TAFA1: variants seen among roughly 807,000 people sequenced by gnomAD.
TAFA1 encodes the protein TAFA chemokine like family member 1.
TAFA1 carries 4 observed loss-of-function variants against 18.5 expected under a neutral mutation model. That is an observed-to-expected ratio of 0.22 (90% CI 0.11 to 0.49). The LOEUF (loss-of-function observed/expected upper bound fraction) is 0.49, where lower values mean the gene tolerates loss of function less well. Among genes scored for constraint, TAFA1 ranks in the 20% least tolerant of loss-of-function variants. TAFA1 has a pLI of 0.98. For missense variants in TAFA1, 147 were observed against 169.0 expected (o/e 0.87, Z 0.72); for synonymous variants, 56 against 55.2 (o/e 1.01, Z -0.06).
chr3:68,284,260 T>C (rs1214178507), intron 2 of TAFA1, among the ~76,000 whole-genome samples: 1 of 152,178 alleles, frequency 6.6e-6, no homozygotes, highest in Non-Finnish European at 1.5e-5. Flanking sequence ...TTCTTAATTT[T>C]CTTGCATGGA....
chr3:68,495,302 C>G (rs13082033), intron 3 of TAFA1, among the ~76,000 whole-genome samples: 31,460 of 152,016 alleles, frequency 0.21, 3,435 homozygotes, highest in African/African-American at 0.25. Context: ...ACGAGTTGGA[C>G]AAGAAAAAGA....
intron 2 of TAFA1, among the ~76,000 whole-genome samples, chr3:68,127,013 T>C (rs1279745204): frequency 6.6e-6 from 1 of 152,198 alleles, no homozygotes; most frequent in African/African-American, 2.4e-5. Context: ...TTGAGAAGAA[T>C]TGATGTTACT....
intron 2 of TAFA1, among the ~76,000 whole-genome samples, chr3:68,108,470 GTGT>G (rs1478415525): frequency 2.6e-5 from 4 of 151,700 alleles, no homozygotes; most frequent in African/African-American, 9.7e-5. Context: ...GTGCATGTGT[GTGT>G]GTGTATAAAG....
At chr3:68,151,995 T>A (rs1317850165) in intron 2 of TAFA1, among the ~76,000 whole-genome samples, 1 of 152,222 alleles carries the variant, frequency 6.6e-6, no homozygotes, top group Non-Finnish European at 1.5e-5. Context: ...TGATAGGCAC[T>A]GTGGTAAATT....
At chr3:68,469,360 C>T (rs1407442858) in intron 3 of TAFA1, among the ~76,000 whole-genome samples, 1 of 152,084 alleles carries the variant, frequency 6.6e-6, no homozygotes, top group African/African-American at 2.4e-5. Context: ...CCAAGACTGG[C>T]TCTCTTATTT....
At chr3:68,145,638 T>C in intron 2 of TAFA1, 1 of 1,195,120 alleles carries the variant, frequency 8.4e-7, no homozygotes, top group Non-Finnish European at 1.2e-6. Context: ...GACTGACTTA[T>C]CACTCTGAGT....
intron 2 of TAFA1, among the ~76,000 whole-genome samples, chr3:68,301,604 C>A (rs999644299): frequency 6.6e-6 from 1 of 152,044 alleles, no homozygotes; most frequent in Non-Finnish European, 1.5e-5. Context: ...TAAAGCAGAG[C>A]TAAAAGCAGA....
At chr3:68,063,331 T>A (rs1040669805) in intron 2 of TAFA1, among the ~76,000 whole-genome samples, 1 of 152,160 alleles carries the variant, frequency 6.6e-6, no homozygotes, top group Non-Finnish European at 1.5e-5. Context: ...GGGTCTCATC[T>A]TAGAGAACGT....
upstream of TAFA1, among the ~76,000 whole-genome samples, chr3:68,001,219 G>T (rs978684208): frequency 2.6e-5 from 4 of 152,148 alleles, no homozygotes; most frequent in Non-Finnish European, 4.4e-5. Flanking sequence ...AGAAGCGTAA[G>T]AACAAAAGAA....
intron 2 of TAFA1, among the ~76,000 whole-genome samples, chr3:68,359,769 G>A (rs2069436252): frequency 6.6e-6 from 1 of 151,892 alleles, no homozygotes; most frequent in Non-Finnish European, 1.5e-5. Context: ...AGGAAACTAA[G>A]CCACCAAATG....
Position 68,539,244 on chromosome 3 carries a change from T to C in TAFA1, c.384+364T>C, listed in dbSNP as rs77153021. On this transcript the variant is annotated intron_variant, in intron 4 of 4. Transcript: ENST00000478136. ...TCATCCAGATGGTTTGCTGAAAGGG[T>C]CTGCGTTTAAGTACACCTACAGAAG... is the stretch of plus-strand genomic sequence containing the variant. 8.6e-3 allele frequency among the ~76,000 whole-genome samples: 1,312 copies of C among 152,248 alleles called. 14 individuals carry two copies. Among genetic ancestry groups the C allele is most frequent in the African/African-American group, 0.027 (1,111 of 41,548 alleles).
intron 2 of TAFA1, among the ~76,000 whole-genome samples, chr3:68,190,276 C>T (rs1559553046): frequency 6.6e-6 from 1 of 151,866 alleles, no homozygotes; most frequent in Non-Finnish European, 1.5e-5. Flanking sequence ...CTCATTACAG[C>T]CTAGCAGTCT....
intron 2 of TAFA1, among the ~76,000 whole-genome samples, chr3:68,361,649 C>CA (rs2069470391): frequency 8.9e-6 from 1 of 112,930 alleles, no homozygotes; most frequent in South Asian, 4.3e-4. Context: ...AAATGGAAAA[C>CA]AAAGGAAAAA....
At chr3:68,505,990 C>G (rs895719353) in intron 3 of TAFA1, among the ~76,000 whole-genome samples, 20 of 151,874 alleles carry the variant, frequency 1.3e-4, no homozygotes, top group African/African-American at 4.8e-4. Context: ...CTGCACCCAT[C>G]AACCCGTCAT....
intron 2 of TAFA1, among the ~76,000 whole-genome samples, chr3:68,304,784 G>C (rs1034083885): frequency 3.3e-5 from 5 of 152,140 alleles, no homozygotes; most frequent in Non-Finnish European, 7.4e-5. Context: ...GTTGGTAAGA[G>C]GAAGTAAAAG....
chr3:68,133,372 A>C (rs2065566807), intron 2 of TAFA1, among the ~76,000 whole-genome samples: 1 of 152,112 alleles, frequency 6.6e-6, no homozygotes, highest in South Asian at 2.1e-4. Flanking sequence ...TTCCATATGA[A>C]ATTTAAAGTA....
At chr3:68,492,135 T>A (rs561338923) in intron 3 of TAFA1, among the ~76,000 whole-genome samples, 1 of 152,230 alleles carries the variant, frequency 6.6e-6, no homozygotes, top group Non-Finnish European at 1.5e-5. Flanking sequence ...ATATTTGCTG[T>A]TGTGTACAAT....
chr3:68,410,705 CAAAAAA>C (rs34714719), intron 2 of TAFA1, among the ~76,000 whole-genome samples: 51 of 36,656 alleles, frequency 1.4e-3, no homozygotes, highest in African/African-American at 4.1e-3. Context: ...TTTCCATAAG[CAAAAAA>C]AAAAAAAAAA....
At chr3:68,278,442 C>T (rs1450062272) in intron 2 of TAFA1, among the ~76,000 whole-genome samples, 2 of 152,118 alleles carry the variant, frequency 1.3e-5, no homozygotes, top group Non-Finnish European at 2.9e-5. Context: ...ATTTTTGCTA[C>T]CATCCCTTTT....
Sources: allele counts gnomAD v4.1 joint callset (sites outside exome capture counted in the v4.1 genomes callset), GRCh38; gene constraint gnomAD v4.1.1; transcripts MANE v1.5; gene names NCBI Gene and HGNC (gene_info 2026-07-23, HGNC 2026-07-21).